BCAS3: variants seen among roughly 807,000 people sequenced by gnomAD.
BCAS3 encodes the protein BCAS4/BCAS3 fusion.
A neutral mutation model predicts 116.1 loss-of-function variants in BCAS3; 53 were observed. That is an observed-to-expected ratio of 0.46 (90% CI 0.37 to 0.57). The LOEUF (loss-of-function observed/expected upper bound fraction) is 0.57. Ranked by LOEUF, BCAS3 falls within the 20% of genes least tolerant of loss-of-function variation. The probability of loss-of-function intolerance (pLI) is 0.00; values close to 1 mark genes in which losing one functional copy is unlikely to be tolerated. For synonymous variants in BCAS3, 391 were observed against 408.2 expected (o/e 0.96, Z 0.51); for missense variants, 917 against 1,165.4 (o/e 0.79, Z 3.10).
rs533898286 is a variant in BCAS3 at position 61,050,385 on chromosome 17, T to C, written c.2029+9493T>C. On this transcript the variant is annotated intron_variant, in intron 19 of 23. Transcript: ENST00000407086. ...AAAATGGCATATTGTTTTTAATATA[T>C]ACTGTGTGTGTACCTACGCATGTGT... 3.3e-5 allele frequency among the ~76,000 whole-genome samples: 5 copies of C among 152,120 alleles called. No individual in the cohort carries two copies. In the East Asian group the frequency reaches 9.6e-4, roughly 29 times the overall value.
intron 7 of BCAS3, among the ~76,000 whole-genome samples, chr17:60,863,345 A>G (rs2054312946): frequency 6.6e-6 from 1 of 152,172 alleles, no homozygotes; most frequent in Admixed American, 6.5e-5. Flanking sequence ...GTATACATCC[A>G]TATCTCAGAG....
rs1417442735 is a variant in BCAS3, at chr17:60,964,705, G to A, written c.1221+17353G>A. Among the ~76,000 whole-genome samples, 2 of 152,080 alleles carry A rather than the reference G, an allele frequency of 1.3e-5. No homozygotes were observed. The highest frequency in any genetic ancestry group is 2.9e-5 in the Non-Finnish European group (2 of 68,016). On this transcript the variant is annotated intron_variant, in intron 14 of 23. Transcript: ENST00000407086. The surrounding 1 kb of genome is among the most constrained non-coding windows in gnomAD (Gnocchi z 4.6). ...CTTTTTATGGAGGCTTTTTATTACAGCTTCAGTTTTGTTACTTGTTATTGG... is the reference window on the plus strand; with the variant it reads ...CTTTTTATGGAGGCTTTTTATTACAACTTCAGTTTTGTTACTTGTTATTGG...
intron 22 of BCAS3, among the ~76,000 whole-genome samples, chr17:61,231,937 T>TG (rs938337501): frequency 2.0e-5 from 3 of 148,426 alleles, no homozygotes; most frequent in Non-Finnish European, 4.5e-5. Flanking sequence ...CCTGACACAG[T>TG]GGCTCATGCC....
chr17:60,835,755 C>G (rs1490922935), intron 7 of BCAS3, among the ~76,000 whole-genome samples: 1 of 151,992 alleles, frequency 6.6e-6, no homozygotes, highest in Non-Finnish European at 1.5e-5. Context: ...GCCTTTATAA[C>G]AATGGGTGGT....
rs2053939911 is a variant in BCAS3, at chr17:61,307,451, TACA to T, written c.2426-60873_2426-60871del. On this transcript the variant is annotated intron_variant, in intron 22 of 23. Transcript: ENST00000407086. The surrounding 1 kb of genome is among the most constrained non-coding windows in gnomAD (Gnocchi z 4.7). ...TTTTTCCCATTGCATTTACTACAGTTACAACGATAATAAATGTTGAATTAACTT... is the reference window on the plus strand; with the variant it reads ...TTTTTCCCATTGCATTTACTACAGTTACGATAATAAATGTTGAATTAACTT... 6.6e-6 allele frequency among the ~76,000 whole-genome samples: 1 copy of T among 152,250 alleles called. No individual in the cohort carries two copies. Among genetic ancestry groups the T allele is most frequent in the Non-Finnish European group, 1.5e-5 (1 of 68,040 alleles).
At chr17:61,001,177 A>G (rs1336537550) in intron 15 of BCAS3, among the ~76,000 whole-genome samples, 1 of 152,114 alleles carries the variant, frequency 6.6e-6, no homozygotes, top group African/African-American at 2.4e-5. Context: ...TCTAAATGGA[A>G]GTAGTTGATG....
intron 19 of BCAS3, among the ~76,000 whole-genome samples, chr17:61,045,327 A>G (rs1021847253): frequency 8.6e-5 from 13 of 151,654 alleles, no homozygotes; most frequent in African/African-American, 3.1e-4. Context: ...TGGGCAACAT[A>G]GAGAGACCCT....
intron 22 of BCAS3, among the ~76,000 whole-genome samples, chr17:61,167,231 C>T (rs1427203116): frequency 2.0e-5 from 3 of 152,112 alleles, no homozygotes; most frequent in South Asian, 2.1e-4. Flanking sequence ...TACCACAAGG[C>T]ACTATATGAG....
At chr17:61,304,425 A>T (rs2053675434) in intron 22 of BCAS3, among the ~76,000 whole-genome samples, 1 of 152,160 alleles carries the variant, frequency 6.6e-6, no homozygotes, top group Non-Finnish European at 1.5e-5. Context: ...TTCCAGTGCC[A>T]CCAGATTTCT....
chr17:61,287,677 G>T (rs2051964820), intron 22 of BCAS3, among the ~76,000 whole-genome samples: 1 of 152,042 alleles, frequency 6.6e-6, no homozygotes, highest in African/African-American at 2.4e-5. Flanking sequence ...AGTGAGCCAA[G>T]ATGGCATCGT....
At chr17:60,836,099 G>A (rs575349462) in intron 7 of BCAS3, among the ~76,000 whole-genome samples, 5 of 152,112 alleles carry the variant, frequency 3.3e-5, no homozygotes, top group Non-Finnish European at 5.9e-5. Context: ...TCTCCTGCCC[G>A]CATACATTTA....
At position 61,151,603 on chromosome 17, in the gene BCAS3, A is replaced by G. The variant is rs115747976; in HGVS notation, c.2425+67039A>G. 5.7e-3 allele frequency among the ~76,000 whole-genome samples: 872 copies of G among 152,192 alleles called. 9 individuals are homozygous for G. The highest frequency in any genetic ancestry group is 0.02 in the African/African-American group (825 of 41,524). On this transcript the variant is annotated intron_variant, in intron 22 of 23. Coordinates refer to ENST00000407086, the MANE Select transcript of BCAS3 (RefSeq NM_017679.5). The surrounding 1 kb of genome is among the most constrained non-coding windows in gnomAD (Gnocchi z 4.8). ...CAGTTCAGTCTCCCATGTAGCTGAT[A>G]CTGACTAGCACGCCCAGCAAATTTT...
intron 13 of BCAS3, among the ~76,000 whole-genome samples, chr17:60,945,473 G>GAC (rs2060435717): frequency 6.6e-6 from 1 of 152,154 alleles, no homozygotes; most frequent in Non-Finnish European, 1.5e-5. Flanking sequence ...TGAATGTATA[G>GAC]ACACAGAAAT....
intron 7 of BCAS3, among the ~76,000 whole-genome samples, chr17:60,867,412 G>A (rs1270086767): frequency 1.3e-5 from 2 of 151,824 alleles, no homozygotes; most frequent in East Asian, 3.9e-4. Flanking sequence ...GGCCTACGTA[G>A]GTTTTTAAAA....
rs139379881 is a variant in BCAS3 at position 61,043,577 on chromosome 17, A to G, written c.2029+2685A>G. Among the ~76,000 whole-genome samples the G allele has an allele frequency of 7.0e-3, 1,068 of 152,054 alleles. 9 individuals carry two copies. The highest frequency in any genetic ancestry group is 0.024 in the Middle Eastern group (7 of 294). On this transcript the variant is annotated intron_variant, in intron 19 of 23. Transcript: ENST00000407086. ...ATGTCTGTGTGGGTTTTCAGTGGGT[A>G]CACAGGTTTTCTCCCTGATACCAAA...
In BCAS3 at chr17:61,248,112, T is replaced by G. The variant is rs566693334; in HGVS notation, c.2426-120215T>G. Among the ~76,000 whole-genome samples, 1 of 152,326 alleles carries G rather than the reference T, an allele frequency of 6.6e-6. No individual in the cohort carries two copies. Among genetic ancestry groups the G allele is most frequent in the African/African-American group, 2.4e-5 (1 of 41,572 alleles). On this transcript the variant is annotated intron_variant, in intron 22 of 23. Coordinates refer to ENST00000407086, the MANE Select transcript of BCAS3 (RefSeq NM_017679.5). This position sits in a 1 kb window ranked among gnomAD's most constrained non-coding sequence, Gnocchi z 4.3. ...TGTTGACTTGGAAATCTCTTTTGAA[T>G]TAGCTTCTTTTGGAGAGCTTTCTGC...
intron 22 of BCAS3, among the ~76,000 whole-genome samples, chr17:61,234,425 T>C (rs959958573): frequency 1.1e-4 from 17 of 152,218 alleles, no homozygotes; most frequent in Non-Finnish European, 1.6e-4. Flanking sequence ...AGCCAAGACC[T>C]TGCAGATTCA....
chr17:61,074,309 A>G (rs2071743129), intron 19 of BCAS3, among the ~76,000 whole-genome samples: 1 of 152,068 alleles, frequency 6.6e-6, no homozygotes. Flanking sequence ...TCCAAAGAAG[A>G]GACTAAGATT....
At chr17:60,959,038 G>T (rs1313289187) in intron 14 of BCAS3, among the ~76,000 whole-genome samples, 4 of 152,096 alleles carry the variant, frequency 2.6e-5, no homozygotes, top group Non-Finnish European at 5.9e-5. Flanking sequence ...ACCAAGGTTG[G>T]ACACAGTTAT....
Sources: allele counts gnomAD v4.1 joint callset (sites outside exome capture counted in the v4.1 genomes callset), GRCh38; gene constraint gnomAD v4.1.1; non-coding constraint Gnocchi (gnomAD v3.1); transcripts MANE v1.5; gene names NCBI Gene and HGNC (gene_info 2026-07-23, HGNC 2026-07-21).